Variants in MYBPC3 observed in about 807,000 individuals in gnomAD.
MYBPC3 encodes myosin-binding protein C, cardiac-type.
MYBPC3 carries 108 observed loss-of-function variants against 159.3 expected under a neutral mutation model. The observed-to-expected ratio is 0.68, with a 90% confidence interval of 0.58 to 0.80. The LOEUF is 0.80. Among genes scored for constraint, MYBPC3 ranks in the 30% least tolerant of loss-of-function variants. The pLI, the probability that MYBPC3 is intolerant of heterozygous loss-of-function variation, is 0.00. For synonymous variants in MYBPC3, 730 were observed against 702.0 expected, an observed-to-expected ratio of 1.04 and a Z score of -0.63; for missense variants, 1,631 against 1,762.1, an observed-to-expected ratio of 0.93 and a Z score of 1.33.
chr11:47,333,525 C>A, intron 29 of MYBPC3, 32 bp downstream of exon 29: 1 of 1,598,406 alleles, frequency 6.3e-7, no homozygotes, highest in Non-Finnish European at 8.5e-7. Context: ...GGAAGGGAAA[C>A]AAGGGGGCTC....
chr11:47,351,740 G>A lies in MYBPC3; in HGVS notation c.26-235C>T, dbSNP rs1327341382. ...CACAGCTAGCAGTCGGGAGAGCCAG[G>A]GCTGTGGTCCTGACCTCCCAACAAG... On this transcript the variant is annotated intron_variant, in intron 1 of 34. Coordinates refer to ENST00000545968, the MANE Select transcript of MYBPC3 (RefSeq NM_000256.3). This position sits in a 1 kb window ranked among gnomAD's most constrained non-coding sequence, Gnocchi z 4.2. Among the ~76,000 whole-genome samples the A allele has an allele frequency of 6.6e-6, 1 of 152,170 alleles. No homozygotes were observed. Among genetic ancestry groups the A allele is most frequent in the East Asian group, 1.9e-4 (1 of 5,198 alleles).
At chr11:47,334,586 T>C (rs1462917194) in intron 27 of MYBPC3, among the ~76,000 whole-genome samples, 1 of 151,866 alleles carries the variant, frequency 6.6e-6, no homozygotes, top group South Asian at 2.1e-4. Flanking sequence ...TTTGAGACGT[T>C]GTCTCACTCT....
chr11:47,347,558 G>T, intron 8 of MYBPC3, 79 bp from the exon 9 acceptor site: 1 of 1,559,122 alleles, frequency 6.4e-7, no homozygotes, highest in Non-Finnish European at 8.7e-7. Context: ...GGAGTGGGGA[G>T]GGAGAAAGGG....
At position 47,332,403 on chromosome 11, in the gene MYBPC3, C is replaced by T; in HGVS notation, c.3628-145G>A. On this transcript the variant is annotated intron_variant, in intron 32 of 34. Coordinates refer to ENST00000545968, the MANE Select transcript of MYBPC3 (RefSeq NM_000256.3). The surrounding 1 kb of genome is among the most constrained non-coding windows in gnomAD (Gnocchi z 4.2). ...CCCAAGGCTGGAAACAAACATGGAA[C>T]CAAGAGTGAGTACCATGGCCCTGCC... is the stretch of plus-strand genomic sequence containing the variant. The T allele has an allele frequency of 7.0e-7, 1 of 1,423,030 alleles. No homozygotes were observed. Among genetic ancestry groups the T allele is most frequent in the East Asian group, 2.3e-5 (1 of 43,314 alleles). The allele number at this position is 1,423,030 out of a possible 1,614,324, so 88.2% of individuals were successfully genotyped here. A position where few individuals can be genotyped will look rare whatever the true frequency, so the allele number is the denominator to read the frequency against.
chr11:47,343,279 G>A lies in MYBPC3; in HGVS notation c.1224-17C>T, dbSNP rs757540489. ...ACTTACTTGCTGTAGAACAGAAGGG[G>A]CCGTTGAAGTGTTCCCGACGGGAGG... On this transcript the variant is annotated splice_polypyrimidine_tract_variant and intron_variant, in intron 13 of 34. Coordinates refer to ENST00000545968, the MANE Select transcript of MYBPC3 (RefSeq NM_000256.3). 1 of 1,551,538 alleles carries A rather than the reference G, an allele frequency of 6.4e-7. No individual in the cohort carries two copies. Among genetic ancestry groups the A allele is most frequent in the Non-Finnish European group, 8.7e-7 (1 of 1,153,550 alleles).
rs1210332894 is a variant in MYBPC3 at position 47,341,980 on chromosome 11, T to C, written c.1790+11A>G. ...CTCCACCTGTCCCATCCACCTGCCC[T>C]GCACACTCACCGCCCGATGTGGGAC... On this transcript the variant is annotated intron_variant, in intron 18 of 34. Transcript: ENST00000545968. The C allele has an allele frequency of 1.9e-6, 3 of 1,554,796 alleles. No individual in the cohort carries two copies. Among genetic ancestry groups the C allele is most frequent in the South Asian group, 2.4e-5 (2 of 84,342 alleles).
At chr11:47,345,097 T>A (rs58912703) in intron 12 of MYBPC3, among the ~76,000 whole-genome samples, 5,441 of 152,322 alleles carry the variant, frequency 0.036, 174 homozygotes, top group South Asian at 0.18. Context: ...GCCAGCAATT[T>A]GCTCTTTTTA....
chr11:47,346,464 CT>C lies in MYBPC3; in HGVS notation c.927-95del. On this transcript the variant is annotated intron_variant, in intron 11 of 34. Transcript: ENST00000545968. The surrounding 1 kb of genome is among the most constrained non-coding windows in gnomAD (Gnocchi z 5.3). Reference sequence around the variant, plus strand: ...CAGGACCAAGGAGCTGTAGCCACCCCTGTCCCTCTGCCCCTTCCCTTCTGGT... The same window carrying C: ...CAGGACCAAGGAGCTGTAGCCACCCCGTCCCTCTGCCCCTTCCCTTCTGGT... 6 of 1,465,128 alleles carry C rather than the reference CT, an allele frequency of 4.1e-6. No homozygotes were observed. The highest frequency in any genetic ancestry group is 5.5e-6 in the Non-Finnish European group (6 of 1,100,292). 90.8% of individuals were successfully genotyped at this position (1,465,128 alleles called of 1,614,324 possible).
chr11:47,337,359 G>T, intron 25 of MYBPC3, 32 bp downstream of exon 25: 1 of 1,538,496 alleles, frequency 6.5e-7, no homozygotes, highest in Non-Finnish European at 8.7e-7. Flanking sequence ...TGGGGAGGGG[G>T]CGGGGGGCAG....
At chr11:47,334,204 C>T (rs1297281149) in intron 27 of MYBPC3, among the ~76,000 whole-genome samples, 194 bp from the exon 28 acceptor site, 1 of 152,256 alleles carries the variant, frequency 6.6e-6, no homozygotes, top group East Asian at 1.9e-4. Context: ...TTCCCCGAGC[C>T]TCACCACTTC....
At position 47,336,016 on chromosome 11, in the gene MYBPC3, G is replaced by T. The variant is rs753396472; in HGVS notation, c.2603-5C>A. The T allele has an allele frequency of 1.3e-6, 2 of 1,508,698 alleles. No individual in the cohort carries two copies. 93.5% of individuals were successfully genotyped at this position (1,508,698 alleles called of 1,614,324 possible). On this transcript the variant is annotated splice_polypyrimidine_tract_variant and splice_region_variant and intron_variant, in intron 25 of 34. Transcript: ENST00000545968. ...GGGTGGGTTCGCTGGGGGGACCTGG[G>T]CAGAGGAGAGGTCAGAGAGGGGTCT...
intron 3 of MYBPC3, 42 bp from the exon 4 acceptor site, chr11:47,350,154 T>C (rs760829902): frequency 3.5e-5 from 54 of 1,535,890 alleles, no homozygotes; most frequent in Middle Eastern, 2.2e-4. Context: ...GATGGAGTCT[T>C]GCTCTGTCAC....
intron 18 of MYBPC3, among the ~76,000 whole-genome samples, 167 bp from the exon 19 acceptor site, chr11:47,341,411 T>A (rs2095888462): frequency 6.6e-6 from 1 of 152,262 alleles, no homozygotes; most frequent in Non-Finnish European, 1.5e-5. Flanking sequence ...TCCAGCTTTT[T>A]AATGTGCCTT....
At position 47,332,109 on chromosome 11, in the gene MYBPC3, C is replaced by G. The variant is rs746042492; in HGVS notation, c.3777G>C (p.Gln1259His). 8.7e-6 allele frequency: 14 copies of G among 1,613,460 alleles called. No homozygotes were observed. The highest frequency in any genetic ancestry group is 8.5e-7 in the Non-Finnish European group (1 of 1,179,732). Residue 1259 changes from glutamine to histidine, a missense_variant, in exon 33 of 35, where the codon CAG becomes CAC. Gln to His is a conservative substitution (Grantham distance 24). Coordinates refer to ENST00000545968, the MANE Select transcript of MYBPC3 (RefSeq NM_000256.3). The surrounding 1 kb of genome is among the most constrained non-coding windows in gnomAD (Gnocchi z 4.2). ...GGCGGCACTCACACCGTGCCTCGCCCTGTAAGTTGGTGGCCCTGCAGACAT... is the reference window on the plus strand; with the variant it reads ...GGCGGCACTCACACCGTGCCTCGCCGTGTAAGTTGGTGGCCCTGCAGACAT... ...GIYVCRATNL[Q>H]GEARCECRLE...
Position 47,339,780 on chromosome 11 carries a change from C to A in MYBPC3, c.1938G>T (p.Lys646Asn), listed in dbSNP as rs780452445. 1.9e-6 allele frequency: 3 copies of A among 1,613,494 alleles called. No individual in the cohort carries two copies. The South Asian group carries it at 3.3e-5, about 18-fold the overall frequency. ...IDFVPRQEPPKIHLDCPGRIP... is the reference protein window; with the variant it reads ...IDFVPRQEPPNIHLDCPGRIP... ...TGCGGCCTGGGCAGTCCAGGTGGAT[C>A]TTGGGAGGTTCTGCAGAAGACACAA... The change falls in exon 21 of 35, where the codon AAG becomes AAT. Residue 646 changes from lysine to asparagine, a missense_variant. Lys to Asn is a moderately conservative substitution (Grantham distance 94). Transcript: ENST00000545968.
intron 12 of MYBPC3, among the ~76,000 whole-genome samples, chr11:47,343,885 T>G (rs1337552621): frequency 6.6e-6 from 1 of 152,200 alleles, no homozygotes; most frequent in Non-Finnish European, 1.5e-5. Context: ...GCCTCCCAGG[T>G]TCAAGTGATT....
Position 47,332,028 on chromosome 11 carries a change from C to T in MYBPC3, c.3814+44G>A, listed in dbSNP as rs1298843856. The T allele has an allele frequency of 1.2e-6, 2 of 1,601,120 alleles. No individual in the cohort carries two copies. The highest frequency in any genetic ancestry group is 2.7e-5 in the African/African-American group (2 of 74,664). On this transcript the variant is annotated intron_variant, in intron 33 of 34. Coordinates refer to ENST00000545968, the MANE Select transcript of MYBPC3 (RefSeq NM_000256.3). This position sits in a 1 kb window ranked among gnomAD's most constrained non-coding sequence, Gnocchi z 4.2. ...CAAAGCCCAGGGTCCCCACTGCCGC[C>T]CGCTCTTCCCATCTCCCAGGCCCTG...
intron 20 of MYBPC3, among the ~76,000 whole-genome samples, chr11:47,340,109 C>T (rs1037789649): frequency 1.3e-5 from 2 of 148,674 alleles, no homozygotes; most frequent in East Asian, 1.9e-4. Flanking sequence ...CACACATACA[C>T]ACACACACAA....
chr11:47,339,475 T>G (rs2095886042), intron 21 of MYBPC3, 71 bp from the exon 22 acceptor site: 2 of 1,549,410 alleles, frequency 1.3e-6, no homozygotes, highest in African/African-American at 1.4e-5. Context: ...CTCTGCTGCT[T>G]CTTCCACCCC....
Sources: gnomAD v4.1 joint callset for allele counts (sites outside exome capture counted in the v4.1 genomes callset) on GRCh38, gnomAD v4.1.1 for gene constraint, Gnocchi (gnomAD v3.1) non-coding constraint, MANE v1.5 for transcripts, NCBI Gene and HGNC (gene_info 2026-07-23, HGNC 2026-07-21) for gene names.